Variants in CDV3 observed in about 807,000 individuals in gnomAD.
The protein encoded by CDV3 is CDV3 homolog, also known as protein CDV3 homolog.
A neutral mutation model predicts 24.5 loss-of-function variants in CDV3; 14 were observed. That is an observed-to-expected ratio of 0.57 (90% CI 0.38 to 0.89). The LOEUF (loss-of-function observed/expected upper bound fraction) is 0.89. CDV3 is among the 40% of genes least tolerant of loss of function. The pLI is 0.00. For missense variants in CDV3, 304 were observed against 310.2 expected (o/e 0.98, Z 0.15); for synonymous variants, 114 against 114.1 (o/e 1.00, Z 0.00).
chr3:133,587,402 A>T (rs1933720249), intron 4 of CDV3: 1 of 1,200,102 alleles, frequency 8.3e-7, no homozygotes, highest in Non-Finnish European at 1.0e-6. Context: ...GTCTTAAAAA[A>T]TGTGTAAGGG....
At position 133,574,057 on chromosome 3, in the gene CDV3, G is replaced by C; in HGVS notation, c.13G>C (p.Glu5Gln). 1 of 1,217,394 alleles carries C rather than the reference G, an allele frequency of 8.2e-7. No individual in the cohort carries two copies. Among genetic ancestry groups the C allele is most frequent in the Non-Finnish European group, 1.0e-6 (1 of 953,514 alleles). 75.4% of individuals were successfully genotyped at this position (1,217,394 alleles called of 1,614,324 possible). Residue 5 changes from glutamate to glutamine, a missense_variant, in exon 1 of 5, where the codon GAG (glutamate) becomes CAG (glutamine). This residue lies in a region of CDV3 where 219 missense variants were observed against 203.6 expected (regional missense o/e 1.08). Transcript: ENST00000264993. The stretch of plus-strand genomic sequence containing the variant: ...GGAGGCCGAGGCCATGGCTGAGACG[G>C]AGGAGCGGAGCCTGGACAACTTCTT... MAET[E>Q]ERSLDNFFAK...
At position 133,575,040 on chromosome 3, in the gene CDV3, A is replaced by G; in HGVS notation, c.242A>G (p.Asp81Gly). 6.3e-7 allele frequency: 1 copy of G among 1,590,940 alleles called. No individual in the cohort carries two copies. Among genetic ancestry groups the G allele is most frequent in the Non-Finnish European group, 8.6e-7 (1 of 1,158,928 alleles). The change falls in exon 2 of 5, where the codon GAC becomes GGC. Residue 81 changes from aspartate (D) to glycine (G), a missense_variant and splice_region_variant. Transcript: ENST00000264993. ...GATCAAATGGCGTTTGTTTTACAGG[A>G]CGAAGATGAATGGAAAGAATTGGAG... Reference protein sequence around the residue: ...PGAATKAVTKDEDEWKELEQK... With the variant: ...PGAATKAVTKGEDEWKELEQK...
At chr3:133,584,704 C>T (rs561022475) in intron 3 of CDV3, among the ~76,000 whole-genome samples, 2 of 152,208 alleles carry the variant, frequency 1.3e-5, no homozygotes, top group African/African-American at 4.8e-5. Context: ...TTTAACTTTC[C>T]TGTTCTTTGA....
intron 4 of CDV3, chr3:133,587,352 C>G (rs1332964037): frequency 4.8e-6 from 6 of 1,242,310 alleles, no homozygotes; most frequent in Non-Finnish European, 6.1e-6. Context: ...GCACAGCTGG[C>G]TTGAATTTAA....
intron 1 of CDV3, chr3:133,574,661 C>T (rs78658097): frequency 0.085 from 87,308 of 1,030,404 alleles, 4,110 homozygotes; most frequent in African/African-American, 0.18. Flanking sequence ...TTTTCGCTTT[C>T]AGCAGCCGCA....
chr3:133,588,406 ACTT>A lies in CDV3; in HGVS notation c.*362_*364del. The A allele has an allele frequency of 6.6e-7, 1 of 1,521,072 alleles. No individual in the cohort carries two copies. Among genetic ancestry groups the A allele is most frequent in the Non-Finnish European group, 8.8e-7 (1 of 1,133,302 alleles). 94.2% of individuals were successfully genotyped at this position (1,521,072 alleles called of 1,614,324 possible). ...CTCAGATTTGCTGCACTCATTGTGG[ACTT>A]CATGTGGATCACAACTTCTGGATAA... is the stretch of plus-strand genomic sequence containing the variant. On this transcript the variant is annotated 3_prime_UTR_variant, in exon 5 of 5. Transcript: ENST00000264993.
Position 133,587,358 on chromosome 3 carries a change from T to G in CDV3, c.627-538T>G, listed in dbSNP as rs537729538. ...ACTTTGAGAGCACAGCTGGCTTGAA[T>G]TTAAACCTCCACGTGGACTTGCTCC... On this transcript the variant is annotated intron_variant, in intron 4 of 4. Transcript: ENST00000264993. The G allele has an allele frequency of 1.3e-3, 1,624 of 1,240,690 alleles. 4 individuals carry two copies. The highest frequency in any genetic ancestry group is 2.5e-3 in the South Asian group (68 of 27,650). 76.9% of individuals were successfully genotyped at this position (1,240,690 alleles called of 1,614,324 possible). A position where few individuals can be genotyped will look rare whatever the true frequency, so the allele number is the denominator to read the frequency against.
chr3:133,583,672 C>T (rs973541388), intron 2 of CDV3, among the ~76,000 whole-genome samples: 27 of 152,172 alleles, frequency 1.8e-4, no homozygotes, highest in African/African-American at 6.5e-4. Context: ...AAGGGATTCT[C>T]CTGCCTCAGC....
In CDV3 at chr3:133,588,062, A is replaced by T; in HGVS notation, c.*16A>T. 2 of 1,610,306 alleles carry T rather than the reference A, an allele frequency of 1.2e-6. No homozygotes were observed. Among genetic ancestry groups the T allele is most frequent in the Non-Finnish European group, 1.7e-6 (2 of 1,178,502 alleles). On this transcript the variant is annotated 3_prime_UTR_variant, in exon 5 of 5. Coordinates refer to ENST00000264993, the MANE Select transcript of CDV3 (RefSeq NM_017548.5). ...ATACAATTAAGGAATGGGCTTTGCT[A>T]ACCCTTCTGAGGTAACTAGACTGCA...
chr3:133,583,926 C>A (rs1018008529), intron 2 of CDV3, 76 bp from the exon 3 acceptor site: 4 of 1,055,432 alleles, frequency 3.8e-6, no homozygotes, highest in Admixed American at 2.2e-5. Flanking sequence ...TACAGATAAT[C>A]ATGGATAAAA....
At chr3:133,575,163 T>A (rs377036869) in intron 2 of CDV3, 48 bp downstream of exon 2, 1 of 1,002,542 alleles carries the variant, frequency 1.0e-6, no homozygotes. Context: ...GGATAGATAT[T>A]GGATACAAGT....
At position 133,573,998 on chromosome 3, in the gene CDV3, C is replaced by G. The variant is rs1295994517; in HGVS notation, c.-47C>G. ...ACCCCGAGCTCGGAGCCCCGCGGGC[C>G]GCGCCCGCCGCCGGCCCCACCCATC... On this transcript the variant is annotated 5_prime_UTR_variant, in exon 1 of 5. Transcript: ENST00000264993. 1 of 1,022,380 alleles carries G rather than the reference C, an allele frequency of 9.8e-7. No individual in the cohort carries two copies. The highest frequency in any genetic ancestry group is 1.7e-5 in the African/African-American group (1 of 57,636). 63.3% of individuals were successfully genotyped at this position (1,022,380 alleles called of 1,614,324 possible). A position where few individuals can be genotyped will look rare whatever the true frequency, so the allele number is the denominator to read the frequency against.
At chr3:133,575,924 C>T (rs566304246) in intron 2 of CDV3, among the ~76,000 whole-genome samples, 20 of 152,232 alleles carry the variant, frequency 1.3e-4, no homozygotes, top group African/African-American at 4.1e-4. Context: ...TGAAAAAATC[C>T]TTTGCTCCCG....
chr3:133,583,852 G>C (rs1330969171), intron 2 of CDV3, 150 bp from the exon 3 acceptor site: 14 of 614,114 alleles, frequency 2.3e-5, no homozygotes, highest in Admixed American at 6.2e-5. Flanking sequence ...GTGAGCCACT[G>C]TACCTGGCCT....
At chr3:133,583,569 A>G (rs1933281763) in intron 2 of CDV3, among the ~76,000 whole-genome samples, 1 of 151,672 alleles carries the variant, frequency 6.6e-6, no homozygotes, top group Non-Finnish European at 1.5e-5. Flanking sequence ...GGTTTTTTTT[A>G]TTTTTATTTT....
At chr3:133,585,483 A>C (rs1361496145) in intron 3 of CDV3, among the ~76,000 whole-genome samples, 1 of 149,708 alleles carries the variant, frequency 6.7e-6, no homozygotes, top group African/African-American at 2.5e-5. Context: ...GCCTGGCTAG[A>C]ATCTTTTTTT....
Position 133,576,666 on chromosome 3 carries a change from T to C in CDV3, c.317+1551T>C, listed in dbSNP as rs181048096. On this transcript the variant is annotated intron_variant, in intron 2 of 4. Transcript: ENST00000264993. The stretch of plus-strand genomic sequence containing the variant: ...AACAGAACCTGTGTTTTTCTGTTAC[T>C]GACTATAAATTACATGTTCATCTTC... Among the ~76,000 whole-genome samples, 7 of 152,288 alleles carry C rather than the reference T, an allele frequency of 4.6e-5. No individual in the cohort carries two copies. In the East Asian group the frequency reaches 1.3e-3, roughly 29 times the overall value.
intron 2 of CDV3, 75 bp from the exon 3 acceptor site, chr3:133,583,927 A>G (rs1258658112): frequency 4.7e-6 from 5 of 1,058,356 alleles, no homozygotes; most frequent in Admixed American, 4.4e-5. Context: ...ACAGATAATC[A>G]TGGATAAAAC....
rs570627506 is a variant in CDV3, at chr3:133,573,977, C to T, written c.-68C>T. On this transcript the variant is annotated 5_prime_UTR_variant, in exon 1 of 5. Coordinates refer to ENST00000264993, the MANE Select transcript of CDV3 (RefSeq NM_017548.5). Reference sequence around the variant, plus strand: ...GTGAGCGCAGAGCCGGCCTCGACCCCGAGCTCGGAGCCCCGCGGGCCGCGC... The same window carrying T: ...GTGAGCGCAGAGCCGGCCTCGACCCTGAGCTCGGAGCCCCGCGGGCCGCGC... 1 of 1,006,984 alleles carries T rather than the reference C, an allele frequency of 9.9e-7. No homozygotes were observed. The highest frequency in any genetic ancestry group is 4.5e-5 in the South Asian group (1 of 22,268). 62.4% of individuals were successfully genotyped at this position (1,006,984 alleles called of 1,614,324 possible). A position where few individuals can be genotyped will look rare whatever the true frequency, so the allele number is the denominator to read the frequency against.
Sources: allele counts gnomAD v4.1 joint callset (sites outside exome capture counted in the v4.1 genomes callset), GRCh38; gene constraint gnomAD v4.1.1; regional missense constraint gnomAD v4.1.1; transcripts MANE v1.5; gene names NCBI Gene and HGNC (gene_info 2026-07-23, HGNC 2026-07-21).